Variants in USP10 observed in about 807,000 individuals in gnomAD.
USP10 encodes the protein ubiquitin carboxyl-terminal hydrolase 10.
Under a neutral mutation model 84.5 loss-of-function variants are expected in USP10, and 22 were observed. The observed-to-expected ratio is 0.26, with a 90% CI of 0.19 to 0.37. The LOEUF is 0.37. USP10 is among the 10% of genes least tolerant of loss of function. USP10 has a pLI of 1.00. For synonymous variants in USP10, 454 were observed against 387.6 expected (o/e 1.17, Z -2.01); for missense variants, 1,019 against 998.9 (o/e 1.02, Z -0.27).
At chr16:84,765,349 G>C (rs764740333) in intron 10 of USP10, among the ~76,000 whole-genome samples, 29 of 152,042 alleles carry the variant, frequency 1.9e-4, no homozygotes, top group Non-Finnish European at 4.0e-4. Context: ...GCTCTTGTCC[G>C]ATGTTCCACA....
chr16:84,737,920 C>T (rs976830285), intron 2 of USP10, among the ~76,000 whole-genome samples: 20 of 152,242 alleles, frequency 1.3e-4, no homozygotes, highest in African/African-American at 3.1e-4. Context: ...TTACCGGCCC[C>T]GCCTCTCCAC....
chr16:84,763,961 C>T lies in USP10; in HGVS notation c.1655-125C>T, dbSNP rs1913519350. The T allele has an allele frequency of 9.8e-6, 12 of 1,229,492 alleles. No individual in the cohort carries two copies. In the East Asian group the frequency reaches 1.0e-4, roughly 11 times the overall value. The allele number at this position is 1,229,492 out of a possible 1,614,324, so 76.2% of individuals were successfully genotyped here. A position where few individuals can be genotyped will look rare whatever the true frequency, so the allele number is the denominator to read the frequency against. ...CGTTGCTCCTGTTGCGATTGGTTGCCGTGGCTCCTAATGTAGACCACACCC... is the reference window on the plus strand; with the variant it reads ...CGTTGCTCCTGTTGCGATTGGTTGCTGTGGCTCCTAATGTAGACCACACCC... On this transcript the variant is annotated intron_variant, in intron 9 of 13. Transcript: ENST00000219473.
At chr16:84,756,887 C>A (rs935500193) in intron 4 of USP10, among the ~76,000 whole-genome samples, 1 of 152,122 alleles carries the variant, frequency 6.6e-6, no homozygotes, top group African/African-American at 2.4e-5. Flanking sequence ...GACTTTAAGC[C>A]TGTGGGGAAA....
intron 2 of USP10, among the ~76,000 whole-genome samples, chr16:84,735,953 C>T (rs1909873414): frequency 7.2e-6 from 1 of 138,856 alleles, no homozygotes; most frequent in Non-Finnish European, 1.5e-5. Flanking sequence ...CATGGGGCGG[C>T]ATGTGGTTGG....
chr16:84,776,342 G>A (rs1423104288), intron 13 of USP10, among the ~76,000 whole-genome samples: 1 of 152,176 alleles, frequency 6.6e-6, no homozygotes, highest in Non-Finnish European at 1.5e-5. Flanking sequence ...CCCAGTGGGT[G>A]AGGCCCAGAG....
intron 1 of USP10, among the ~76,000 whole-genome samples, chr16:84,719,088 G>T (rs560944679): frequency 6.6e-6 from 1 of 151,912 alleles, no homozygotes; most frequent in Admixed American, 6.6e-5. Flanking sequence ...CACCGCGCCC[G>T]GCCAGTTTAG....
At position 84,779,794 on chromosome 16, in the gene USP10, T is replaced by C. The variant is rs145960971; in HGVS notation, c.*712T>C. 4,746 of 152,750 alleles carry C rather than the reference T, an allele frequency of 0.031. 101 individuals are homozygous for C. Among genetic ancestry groups the C allele is most frequent in the East Asian group, 0.056 (290 of 5,184 alleles). The allele number at this position is 152,750 out of a possible 1,614,324, so 9.5% of individuals were successfully genotyped here. A position where few individuals can be genotyped will look rare whatever the true frequency, so the allele number is the denominator to read the frequency against. On this transcript the variant is annotated 3_prime_UTR_variant, in exon 14 of 14. Transcript: ENST00000219473. ...ATGGGCAAATAATGAAGATCTCTCC[T>C]TCAGTCTGCTCTGTTTAATTCTGCT...
chr16:84,762,969 A>T lies in USP10; in HGVS notation c.1555-20A>T. On this transcript the variant is annotated intron_variant, in intron 8 of 13. Transcript: ENST00000219473. Reference sequence around the variant, plus strand: ...ACAGTGATCAGTTCACAGTAACGTGATTATATTTGACCTTTTCAGGGTCGA... The same window carrying T: ...ACAGTGATCAGTTCACAGTAACGTGTTTATATTTGACCTTTTCAGGGTCGA... 1.3e-6 allele frequency: 2 copies of T among 1,545,352 alleles called. No homozygotes were observed. Among genetic ancestry groups the T allele is most frequent in the South Asian group, 2.3e-5 (2 of 88,460 alleles).
chr16:84,720,643 G>A (rs58935940), intron 1 of USP10, among the ~76,000 whole-genome samples: 7,445 of 141,006 alleles, frequency 0.053, 211 homozygotes, highest in African/African-American at 0.069. Context: ...GTGCAGTGGT[G>A]CGATCTTGCC....
chr16:84,740,446 T>G, intron 3 of USP10, 77 bp downstream of exon 3: 4 of 1,182,406 alleles, frequency 3.4e-6, no homozygotes, highest in Non-Finnish European at 4.9e-6. Flanking sequence ...CTGTAAACAT[T>G]GTTTCCCATT....
chr16:84,731,606 C>G (rs1909242337), intron 1 of USP10, among the ~76,000 whole-genome samples: 1 of 152,314 alleles, frequency 6.6e-6, no homozygotes, highest in African/African-American at 2.4e-5. Context: ...AAAAAATACT[C>G]TGGCATTCTA....
intron 10 of USP10, among the ~76,000 whole-genome samples, chr16:84,765,255 T>TTG (rs10571112): frequency 2.5e-4 from 38 of 151,532 alleles, no homozygotes; most frequent in African/African-American, 8.0e-4. Context: ...ACAGTTACCC[T>TTG]TGTGTGTGTG....
intron 4 of USP10, among the ~76,000 whole-genome samples, chr16:84,755,812 A>G (rs998410535): frequency 5.1e-4 from 71 of 138,500 alleles, no homozygotes; most frequent in African/African-American, 1.8e-3. Flanking sequence ...AAAAAAAAAA[A>G]TCAGTCACTT....
chr16:84,740,314 T>C lies in USP10; in HGVS notation c.96T>C (p.Pro32=). Residue 32 remains proline, a synonymous_variant, in exon 3 of 14, where the codon CCT becomes CCC. Coordinates refer to ENST00000219473, the MANE Select transcript of USP10 (RefSeq NM_005153.3). ...TTTTCTGATTCCTTGTGCAGCTTCC[T>C]CCATACAGTGGAACAGTTCTGTGTG... ...FVTPRSSVEL[P]PYSGTVLCGT... 6.2e-7 allele frequency: 1 copy of C among 1,611,278 alleles called. No homozygotes were observed. Among genetic ancestry groups the C allele is most frequent in the Non-Finnish European group, 8.5e-7 (1 of 1,178,420 alleles).
At chr16:84,728,462 C>A (rs1057438836) in intron 1 of USP10, among the ~76,000 whole-genome samples, 3 of 152,040 alleles carry the variant, frequency 2.0e-5, no homozygotes, top group African/African-American at 7.3e-5. Context: ...GCCTCAGCCT[C>A]CCGGGTAGCT....
chr16:84,764,102 C>A lies in USP10; in HGVS notation c.1671C>A (p.Asn557Lys). The change falls in exon 10 of 14, where the codon AAC (asparagine) becomes AAA (lysine). Residue 557 changes from asparagine to lysine, a missense_variant. By Grantham distance (94) the Asn-to-Lys change is moderately conservative (BLOSUM62 0). Around this residue, in one of 2 missense-constraint regions of USP10, gnomAD observed 787 missense variants for 708.8 expected, o/e 1.11. Coordinates refer to ENST00000219473, the MANE Select transcript of USP10 (RefSeq NM_005153.3). ...CCTTTTCAGAACTTACGATTTCCAA[C>A]GGCCCCAAAAACCACTCGGTCAATG... ...SPSNEKLTISNGPKNHSVNEE... is the reference protein window; with the variant it reads ...SPSNEKLTISKGPKNHSVNEE... 5 of 1,612,282 alleles carry A rather than the reference C, an allele frequency of 3.1e-6. No homozygotes were observed. Among genetic ancestry groups the A allele is most frequent in the Non-Finnish European group, 3.4e-6 (4 of 1,179,292 alleles).
rs1567660728 is a variant in USP10 at position 84,779,179 on chromosome 16, C to G, written c.*97C>G. On this transcript the variant is annotated 3_prime_UTR_variant, in exon 14 of 14. Coordinates refer to ENST00000219473, the MANE Select transcript of USP10 (RefSeq NM_005153.3). The stretch of plus-strand genomic sequence containing the variant: ...TCTTTAGTGGCTCTTTAGAGAGAAA[C>G]TCTTTCTCCCTTTGCAAAAATGGGC... 2.8e-6 allele frequency: 4 copies of G among 1,414,268 alleles called. No individual in the cohort carries two copies. Among genetic ancestry groups the G allele is most frequent in the Admixed American group, 5.0e-5 (2 of 40,182 alleles). 87.6% of individuals were successfully genotyped at this position (1,414,268 alleles called of 1,614,324 possible).
At chr16:84,756,393 G>A (rs972958291) in intron 4 of USP10, among the ~76,000 whole-genome samples, 1 of 152,198 alleles carries the variant, frequency 6.6e-6, no homozygotes, top group Non-Finnish European at 1.5e-5. Context: ...AGGAGTTCAA[G>A]ACCAGCCTGG....
intron 2 of USP10, among the ~76,000 whole-genome samples, chr16:84,737,959 T>A (rs1910147892): frequency 1.3e-5 from 2 of 152,228 alleles, no homozygotes; most frequent in African/African-American, 4.8e-5. Flanking sequence ...CATCTGTGTA[T>A]TTTTCCCGAT....
Sources: gnomAD v4.1 joint callset for allele counts (sites outside exome capture counted in the v4.1 genomes callset) on GRCh38, gnomAD v4.1.1 for gene constraint, gnomAD v4.1.1 regional missense constraint, MANE v1.5 for transcripts, NCBI Gene and HGNC (gene_info 2026-07-23, HGNC 2026-07-21) for gene names.